The following IRAK1BP1 variants were observed in gnomAD, a reference collection of about 807,000 sequenced individuals.
IRAK1BP1 encodes the protein interleukin 1 receptor associated kinase 1 binding protein 1, also known as interleukin-1 receptor-associated kinase 1-binding protein 1.
IRAK1BP1 carries 24 observed loss-of-function variants against 28.0 expected under a neutral mutation model. The ratio of observed to expected loss-of-function variants is 0.86; its 90% confidence interval spans 0.62 to 1.20. The LOEUF (loss-of-function observed/expected upper bound fraction) is 1.20. IRAK1BP1 is among the 50% of genes most tolerant of loss of function. The probability of loss-of-function intolerance (pLI) is 0.00; values close to 1 mark genes in which losing one functional copy is unlikely to be tolerated. For missense variants in IRAK1BP1, 336 were observed against 316.7 expected (o/e 1.06, Z -0.46); for synonymous variants, 131 against 116.3 (o/e 1.13, Z -0.81).
At chr6:78,869,233 A>G (rs1770706028) in intron 1 of IRAK1BP1, among the ~76,000 whole-genome samples, 1 of 152,250 alleles carries the variant, frequency 6.6e-6, no homozygotes, top group Non-Finnish European at 1.5e-5. Context: ...ATATAAAACA[A>G]CATAAGCTGG....
intron 1 of IRAK1BP1, among the ~76,000 whole-genome samples, chr6:78,868,442 G>T (rs1173345557): frequency 6.6e-6 from 1 of 152,176 alleles, no homozygotes; most frequent in Non-Finnish European, 1.5e-5. Flanking sequence ...TCATTTTATA[G>T]TGATTCCCCC....
chr6:78,922,998 G>A (rs1201412988), intron 4 of IRAK1BP1, among the ~76,000 whole-genome samples: 1 of 152,104 alleles, frequency 6.6e-6, no homozygotes, highest in Non-Finnish European at 1.5e-5. Flanking sequence ...ATCGAGGCTA[G>A]GAAGAAAATG....
At chr6:78,963,914 G>A in the IRAK1BP1 span, among the ~76,000 whole-genome samples, 7 of 152,228 alleles carry the variant, frequency 4.6e-5, no homozygotes, top group South Asian at 1.0e-3. Flanking sequence ...CACAAACTAC[G>A]ATTAAACTCT....
At chr6:78,969,334 G>A in the IRAK1BP1 span, among the ~76,000 whole-genome samples, 1 of 152,104 alleles carries the variant, frequency 6.6e-6, no homozygotes, top group African/African-American at 2.4e-5. Flanking sequence ...ATTTTTAAGA[G>A]AACTACTCTC....
At chr6:78,914,065 A>G (rs1772494872) in intron 4 of IRAK1BP1, among the ~76,000 whole-genome samples, 1 of 152,198 alleles carries the variant, frequency 6.6e-6, no homozygotes, top group African/African-American at 2.4e-5. Flanking sequence ...TTCACTTGTA[A>G]TATAGATCAT....
chr6:78,875,491 C>G (rs1770965055), intron 1 of IRAK1BP1, among the ~76,000 whole-genome samples: 1 of 135,620 alleles, frequency 7.4e-6, no homozygotes, highest in Non-Finnish European at 1.7e-5. Context: ...AGGTGCCCAT[C>G]AACAATGGAT....
At position 78,898,429 on chromosome 6, in the gene IRAK1BP1, T is replaced by G. The variant is rs1315367063; in HGVS notation, c.*95T>G. ...TGTCCTGAATATATATATATATATA[T>G]ATATATATATATATATGGTATAGGA... On this transcript the variant is annotated 3_prime_UTR_variant, in exon 4 of 4. Coordinates refer to ENST00000369940, the MANE Select transcript of IRAK1BP1 (RefSeq NM_001010844.4). 6.1e-6 allele frequency: 1 copy of G among 162,834 alleles called. No individual in the cohort carries two copies. The highest frequency in any genetic ancestry group is 7.0e-5 in the Admixed American group (1 of 14,322). 10.1% of individuals were successfully genotyped at this position (162,834 alleles called of 1,614,324 possible). A position where few individuals can be genotyped will look rare whatever the true frequency, so the allele number is the denominator to read the frequency against.
chr6:78,870,063 C>T (rs1347181726), intron 1 of IRAK1BP1, among the ~76,000 whole-genome samples: 5 of 118,330 alleles, frequency 4.2e-5, no homozygotes, highest in African/African-American at 9.8e-5. Context: ...CAGCTGAGTT[C>T]GTGCCATTGC....
intron 4 of IRAK1BP1, chr6:78,936,470 A>T (rs1326035468): frequency 1.3e-5 from 2 of 151,904 alleles, no homozygotes; most frequent in African/African-American, 4.8e-5. Context: ...TCTTAAAGTA[A>T]CCAGCATGTG....
the IRAK1BP1 span, among the ~76,000 whole-genome samples, chr6:78,958,800 T>C: frequency 6.6e-6 from 1 of 152,068 alleles, no homozygotes; most frequent in African/African-American, 2.4e-5. Context: ...AACTACGTAT[T>C]TGCATACAAG....
At chr6:78,908,034 A>T (rs1449030636), downstream of IRAK1BP1, among the ~76,000 whole-genome samples, 8 of 120,432 alleles carry the variant, frequency 6.6e-5, no homozygotes, top group African/African-American at 2.9e-4. Context: ...TTTTTATTTT[A>T]TTTATTTATT....
the IRAK1BP1 span, chr6:78,970,813 T>C: frequency 6.2e-7 from 1 of 1,610,818 alleles, no homozygotes. Context: ...GGTTGTTTTT[T>C]GGGATTGATA....
intron 2 of IRAK1BP1, among the ~76,000 whole-genome samples, chr6:78,890,537 G>T (rs762871634): frequency 6.6e-6 from 1 of 152,102 alleles, no homozygotes; most frequent in Non-Finnish European, 1.5e-5. Flanking sequence ...CCCAGTGGGT[G>T]CCCAGCGCAA....
At chr6:78,890,045 A>T (rs1357839834) in intron 2 of IRAK1BP1, among the ~76,000 whole-genome samples, 1 of 152,180 alleles carries the variant, frequency 6.6e-6, no homozygotes, top group African/African-American at 2.4e-5. Flanking sequence ...GATAAACTGG[A>T]TTAAGAAAAT....
the IRAK1BP1 span, among the ~76,000 whole-genome samples, chr6:78,963,549 A>C: frequency 2.6e-5 from 4 of 152,292 alleles, no homozygotes; most frequent in African/African-American, 9.6e-5. Flanking sequence ...GCAAATTTCA[A>C]AGTTTTCTGA....
intron 4 of IRAK1BP1, among the ~76,000 whole-genome samples, chr6:78,920,899 C>A (rs1296157338): frequency 2.0e-5 from 3 of 152,120 alleles, no homozygotes; most frequent in Non-Finnish European, 4.4e-5. Flanking sequence ...TGAAAAAGTT[C>A]TAGTATGTAG....
intron 3 of IRAK1BP1, 50 bp downstream of exon 3, chr6:78,898,009 C>T (rs1771954900): frequency 6.2e-7 from 1 of 1,607,876 alleles, no homozygotes; most frequent in African/African-American, 1.3e-5. Context: ...CAAAACTATC[C>T]AGTGCTACAT....
chr6:78,965,668 A>G, the IRAK1BP1 span: 1 of 1,187,524 alleles, frequency 8.4e-7, no homozygotes, highest in Non-Finnish European at 1.2e-6. Context: ...AATTAACTCC[A>G]TAATGGAGAA....
At position 78,898,418 on chromosome 6, in the gene IRAK1BP1, A is replaced by G. The variant is rs907061726; in HGVS notation, c.*84A>G. ...ATGTTTACGTTTGTCCTGAATATAT[A>G]TATATATATATATATATATATATAT... On this transcript the variant is annotated 3_prime_UTR_variant, in exon 4 of 4. Coordinates refer to ENST00000369940, the MANE Select transcript of IRAK1BP1 (RefSeq NM_001010844.4). The G allele has an allele frequency of 7.0e-6, 1 of 142,280 alleles. No individual in the cohort carries two copies. The highest frequency in any genetic ancestry group is 1.4e-5 in the Non-Finnish European group (1 of 72,628). The allele number at this position is 142,280 out of a possible 1,614,324, so 8.8% of individuals were successfully genotyped here. A position where few individuals can be genotyped will look rare whatever the true frequency, so the allele number is the denominator to read the frequency against.
Sources: allele counts gnomAD v4.1 joint callset (sites outside exome capture counted in the v4.1 genomes callset), GRCh38; gene constraint gnomAD v4.1.1; transcripts MANE v1.5; gene names NCBI Gene and HGNC (gene_info 2026-07-23, HGNC 2026-07-21).